TECTA: variants seen among roughly 807,000 people sequenced by gnomAD.
TECTA encodes the protein alpha-tectorin.
In TECTA, 128 loss-of-function variants were observed where a neutral mutation model predicts 216.8. That is an observed-to-expected ratio of 0.59 (90% CI 0.51 to 0.68). The LOEUF is 0.68. TECTA is among the 30% of genes least tolerant of loss of function. The pLI is 0.00. For missense variants in TECTA, 2,551 were observed against 2,786.2 expected, an observed-to-expected ratio of 0.92 and a Z score of 1.90; for synonymous variants, 1,089 against 1,117.1, an observed-to-expected ratio of 0.97 and a Z score of 0.50.
rs1947080087 is a variant in TECTA at position 121,168,668 on chromosome 11, C to G, written c.5751-9C>G. ...TTGGATTCCTGTCTCATAATTGTTTCCGTTTTAGTGTAATTAACCTGACAG... is the reference window on the plus strand; with the variant it reads ...TTGGATTCCTGTCTCATAATTGTTTGCGTTTTAGTGTAATTAACCTGACAG... On this transcript the variant is annotated splice_polypyrimidine_tract_variant and intron_variant, in intron 19 of 23. Transcript: ENST00000392793. The G allele has an allele frequency of 1.2e-6, 2 of 1,613,940 alleles. No homozygotes were observed. The highest frequency in any genetic ancestry group is 2.7e-5 in the African/African-American group (2 of 74,860).
chr11:121,158,758 C>T (rs897714065), intron 14 of TECTA, among the ~76,000 whole-genome samples: 1 of 152,176 alleles, frequency 6.6e-6, no homozygotes, highest in South Asian at 2.1e-4. Flanking sequence ...TGGGAGGCTG[C>T]TCTTGGTGGA....
chr11:121,168,086 A>G lies in TECTA; in HGVS notation c.5619A>G (p.Thr1873=), dbSNP rs772319674. The part of the protein sequence containing the change: ...SNGTHIMYKN[T]LWIESANNTG... ...GCACGCATATCATGTATAAAAACACACTCTGGATCGAAAGCGCCAACAACA... is the reference window on the plus strand; with the variant it reads ...GCACGCATATCATGTATAAAAACACGCTCTGGATCGAAAGCGCCAACAACA... Residue 1873 remains threonine (T), a synonymous_variant, in exon 19 of 24, where the codon ACA becomes ACG. Coordinates refer to ENST00000392793, the MANE Select transcript of TECTA (RefSeq NM_005422.4). 22 of 1,613,986 alleles carry G rather than the reference A, an allele frequency of 1.4e-5. No individual in the cohort carries two copies. The Admixed American group carries it at 2.7e-4, about 20-fold the overall frequency.
intron 20 of TECTA, among the ~76,000 whole-genome samples, chr11:121,185,088 G>T (rs1456393285): frequency 6.6e-6 from 1 of 152,226 alleles, no homozygotes; most frequent in Non-Finnish European, 1.5e-5. Context: ...CAGAGAGGGA[G>T]AGTGAGCCGG....
chr11:121,164,583 A>G (rs1215001298), intron 16 of TECTA, among the ~76,000 whole-genome samples: 1 of 152,218 alleles, frequency 6.6e-6, no homozygotes, highest in Non-Finnish European at 1.5e-5. Flanking sequence ...GATACTCCAC[A>G]TAACATCTTT....
chr11:121,176,013 C>G (rs1947162326), intron 20 of TECTA, among the ~76,000 whole-genome samples: 1 of 151,778 alleles, frequency 6.6e-6, no homozygotes, highest in Admixed American at 6.6e-5. Context: ...GATTGCAACC[C>G]CTGCCTTTTT....
At chr11:121,147,724 G>A (rs941128374) in intron 12 of TECTA, among the ~76,000 whole-genome samples, 5 of 152,162 alleles carry the variant, frequency 3.3e-5, no homozygotes, top group African/African-American at 9.7e-5. Flanking sequence ...GGAAAGCTCT[G>A]CTGTTTCCCC....
Position 121,187,970 on chromosome 11 carries a change from C to T in TECTA, c.6138C>T (p.Asp2046=). The T allele has an allele frequency of 6.2e-7, 1 of 1,614,220 alleles. No individual in the cohort carries two copies. The highest frequency in any genetic ancestry group is 8.5e-7 in the Non-Finnish European group (1 of 1,180,036). Residue 2046 remains aspartate, a synonymous_variant, in exon 21 of 24, where the codon GAC becomes GAT. Transcript: ENST00000392793. The part of the protein sequence containing the change: ...VHLHCAVSLC[D]SEKYSCKITC... Reference sequence around the variant, plus strand: ...TTCACTGTGCAGTGTCACTCTGCGACTCAGAAAAGTACTCCTGTAAAATCG... The same window carrying T: ...TTCACTGTGCAGTGTCACTCTGCGATTCAGAAAAGTACTCCTGTAAAATCG...
intron 7 of TECTA, among the ~76,000 whole-genome samples, chr11:121,120,853 T>C (rs904429012): frequency 1.3e-5 from 2 of 152,252 alleles, no homozygotes; most frequent in African/African-American, 2.4e-5. Flanking sequence ...AACTAGCCCA[T>C]GGCGATGAGC....
At chr11:121,167,993 A>T in intron 18 of TECTA, 61 bp from the exon 19 acceptor site, 1 of 1,591,370 alleles carries the variant, frequency 6.3e-7, no homozygotes, top group East Asian at 2.2e-5. Flanking sequence ...TATGGATTTG[A>T]TATGCAAGCT....
Position 121,168,136 on chromosome 11 carries a change from G to T in TECTA, c.5669G>T (p.Arg1890Leu). The T allele has an allele frequency of 4.3e-6, 7 of 1,614,168 alleles. No individual in the cohort carries two copies. Among genetic ancestry groups the T allele is most frequent in the Non-Finnish European group, 5.9e-6 (7 of 1,180,020 alleles). The change falls in exon 19 of 24, where the codon CGC (arginine) becomes CTC (leucine). Residue 1890 changes from arginine (R) to leucine (L), a missense_variant. Coordinates refer to ENST00000392793, the MANE Select transcript of TECTA (RefSeq NM_005422.4). ...ACTGGCAACATCATCACCAGGGACC[G>T]CACGATCAATGTGGAATTTTCATGT... Reference protein sequence around the residue: ...NNTGNIITRDRTINVEFSCAY... With the variant: ...NNTGNIITRDLTINVEFSCAY...
intron 20 of TECTA, among the ~76,000 whole-genome samples, chr11:121,174,106 T>C (rs978822576): frequency 6.6e-6 from 1 of 152,148 alleles, no homozygotes; most frequent in African/African-American, 2.4e-5. Context: ...ACAATGGGGT[T>C]TTCTAGATAT....
intron 20 of TECTA, among the ~76,000 whole-genome samples, chr11:121,175,978 T>C (rs1947161814): frequency 6.6e-6 from 1 of 152,204 alleles, no homozygotes; most frequent in Non-Finnish European, 1.5e-5. Flanking sequence ...TTTGTTGGTT[T>C]AAAGTCTGTT....
Position 121,128,119 on chromosome 11 carries a change from G to C in TECTA, c.2142G>C (p.Leu714=), listed in dbSNP as rs745416393. ...GCFPKRETVC[L]LSQNQVLHTF... is the part of the protein sequence containing the mutation. Reference sequence around the variant, plus strand: ...TCCCCAAGCGGGAGACCGTGTGCCTGCTCAGCCAGAACCAGGTGCTGCACA... The same window carrying C: ...TCCCCAAGCGGGAGACCGTGTGCCTCCTCAGCCAGAACCAGGTGCTGCACA... Residue 714 remains leucine (L), a synonymous_variant, in exon 9 of 24, where the codon CTG becomes CTC. Coordinates refer to ENST00000392793, the MANE Select transcript of TECTA (RefSeq NM_005422.4). 2.9e-5 allele frequency: 46 copies of C among 1,612,958 alleles called. No individual in the cohort carries two copies. Among genetic ancestry groups the C allele is most frequent in the Non-Finnish European group, 3.7e-5 (44 of 1,179,974 alleles).
In TECTA at chr11:121,145,745, A is replaced by C. The variant is rs779624448; in HGVS notation, c.3734A>C (p.Asn1245Thr). 6.2e-7 allele frequency: 1 copy of C among 1,614,090 alleles called. No individual in the cohort carries two copies. The highest frequency in any genetic ancestry group is 8.5e-7 in the Non-Finnish European group (1 of 1,180,046). Residue 1245 changes from asparagine to threonine, a missense_variant, in exon 12 of 24, where the codon AAC (asparagine) becomes ACC (threonine). Coordinates refer to ENST00000392793, the MANE Select transcript of TECTA (RefSeq NM_005422.4). ...NSTYGLCGRY[N>T]GNPDDDLEMP... ...ACCTATGGTCTGTGTGGCCGCTACA[A>C]CGGCAACCCTGATGATGACCTGGAG...
chr11:121,127,829 ACGGCCTCG>A lies in TECTA; in HGVS notation c.1856_1863del (p.Ala619GlufsTer104). 1.2e-6 allele frequency: 2 copies of A among 1,614,088 alleles called. No homozygotes were observed. Among genetic ancestry groups the A allele is most frequent in the Non-Finnish European group, 1.7e-6 (2 of 1,180,020 alleles). ...CTGCCCCGACACATGCTCCGACCTGACGGCCTCGCGGAACTGCGCCACGCCGTGCACAG... is the reference window on the plus strand; with the variant it reads ...CTGCCCCGACACATGCTCCGACCTGACGGAACTGCGCCACGCCGTGCACAG... On this transcript the variant is annotated frameshift_variant, in exon 9 of 24. Transcript: ENST00000392793. LOFTEE classifies it high-confidence loss of function. This position sits in a 1 kb window ranked among gnomAD's most constrained non-coding sequence, Gnocchi z 5.0.
At position 121,145,793 on chromosome 11, in the gene TECTA, C is replaced by T. The variant is rs1432123178; in HGVS notation, c.3782C>T (p.Ser1261Leu). 12 of 1,614,030 alleles carry T rather than the reference C, an allele frequency of 7.4e-6. No homozygotes were observed. The highest frequency in any genetic ancestry group is 1.0e-5 in the Non-Finnish European group (12 of 1,180,028). The change falls in exon 12 of 24, where the codon TCG (serine) becomes TTG (leucine). Residue 1261 changes from serine to leucine, a missense_variant. Physicochemically the swap from Ser to Leu is moderately radical, Grantham distance 145 (BLOSUM62 -2). This residue lies in a region of TECTA where 2,375 missense variants were observed against 2,563.9 expected (regional missense o/e 0.93). Transcript: ENST00000392793. Reference sequence around the variant, plus strand: ...GAGATGCCCATGGGTCTGCTTGCATCGAGTGTCAATGAGTTTGGGCAGAGC... The same window carrying T: ...GAGATGCCCATGGGTCTGCTTGCATTGAGTGTCAATGAGTTTGGGCAGAGC... ...DLEMPMGLLA[S>L]SVNEFGQSWV...
intron 20 of TECTA, among the ~76,000 whole-genome samples, chr11:121,183,010 C>T (rs551130904): frequency 1.3e-5 from 2 of 152,286 alleles, no homozygotes; most frequent in Admixed American, 6.5e-5. Flanking sequence ...AGGCAGGTGG[C>T]TCTTGGGTTC....
At chr11:121,104,350 C>T (rs1279735040) in intron 2 of TECTA, among the ~76,000 whole-genome samples, 1 of 152,038 alleles carries the variant, frequency 6.6e-6, no homozygotes, top group African/African-American at 2.4e-5. Context: ...ACATTAAATA[C>T]AGCTCATGGG....
In TECTA at chr11:121,153,080, G is replaced by A; in HGVS notation, c.4305G>A (p.Glu1435=). ...GCTACTCCGATGGCAAATATTACGA[G>A]GTATGGGAGGCCAGCCCGGCCTTTT... ...CGCYSDGKYY[E]PKQLFWNSDC... is the part of the protein sequence containing the mutation. The change falls in exon 13 of 24, where the codon GAG becomes GAA. Residue 1435 remains glutamate (E), a splice_region_variant and synonymous_variant. Transcript: ENST00000392793. The A allele has an allele frequency of 6.2e-7, 1 of 1,612,938 alleles. No individual in the cohort carries two copies.
Sources: gnomAD v4.1 joint callset for allele counts (sites outside exome capture counted in the v4.1 genomes callset) on GRCh38, gnomAD v4.1.1 for gene constraint, gnomAD v4.1.1 regional missense constraint, Gnocchi (gnomAD v3.1) non-coding constraint, MANE v1.5 for transcripts, NCBI Gene and HGNC (gene_info 2026-07-23, HGNC 2026-07-21) for gene names.